Variants in PCDHGA1 observed in about 807,000 individuals in gnomAD.
PCDHGA1 encodes the protein protocadherin gamma subfamily A, 1.
A neutral mutation model predicts 58.0 loss-of-function variants in PCDHGA1; 32 were observed. The ratio of observed to expected loss-of-function variants is 0.55; its 90% CI spans 0.42 to 0.74. PCDHGA1 has a LOEUF of 0.74. Ranked by LOEUF, PCDHGA1 falls within the 30% of genes least tolerant of loss-of-function variation. The pLI is 0.00. For missense variants in PCDHGA1, 1,205 were observed against 1,182.3 expected, an observed-to-expected ratio of 1.02 and a Z score of -0.28; for synonymous variants, 498 against 501.1, an observed-to-expected ratio of 0.99 and a Z score of 0.08.
Position 141,491,995 on chromosome 5 carries a change from G to C in PCDHGA1, c.2422-2812G>C, listed in dbSNP as rs76332593. On this transcript the variant is annotated intron_variant, in intron 1 of 3. Transcript: ENST00000517417. The surrounding 1 kb of genome is among the most constrained non-coding windows in gnomAD (Gnocchi z 6.9). ...CTCCTTCGAGCTTCCGGTGAATTTC[G>C]GGCGATTTCCGCGGGTGTCGGGGGT... is the stretch of plus-strand genomic sequence containing the variant. 0.033 allele frequency: 22,941 copies of C among 696,644 alleles called. 426 individuals carry two copies. The highest frequency in any genetic ancestry group is 0.093 in the Middle Eastern group (249 of 2,666). The allele number at this position is 696,644 out of a possible 1,614,324, so 43.2% of individuals were successfully genotyped here. A position where few individuals can be genotyped will look rare whatever the true frequency, so the allele number is the denominator to read the frequency against.
chr5:141,362,148 A>G, intron 1 of PCDHGA1: 2 of 1,613,980 alleles, frequency 1.2e-6, no homozygotes, highest in Non-Finnish European at 1.7e-6. Flanking sequence ...TGCAAGAGGT[A>G]TTGCCAGACC....
chr5:141,374,243 C>A, intron 1 of PCDHGA1: 1 of 1,614,000 alleles, frequency 6.2e-7, no homozygotes, highest in Non-Finnish European at 8.5e-7. Flanking sequence ...GGATCTGGGA[C>A]TGGAGCCCCA....
At chr5:141,417,340 C>T (rs981474163) in intron 1 of PCDHGA1, 2 of 152,874 alleles carry the variant, frequency 1.3e-5, no homozygotes, top group African/African-American at 4.8e-5. Context: ...GATAGGAGAC[C>T]TATAAACCTT....
rs145025535 is a variant in PCDHGA1 at position 141,457,569 on chromosome 5, T to A, written c.2422-37238T>A. 2.5e-3 allele frequency among the ~76,000 whole-genome samples: 376 copies of A among 152,304 alleles called. 1 individual carries two copies. Among genetic ancestry groups the A allele is most frequent in the African/African-American group, 8.6e-3 (357 of 41,554 alleles). On this transcript the variant is annotated intron_variant, in intron 1 of 3. Transcript: ENST00000517417. Reference sequence around the variant, plus strand: ...TGTATGATAAGCTTTGGAGCAAAATTTTTCTCTCCAGTCCTCATTTTTGGT... The same window carrying A: ...TGTATGATAAGCTTTGGAGCAAAATATTTCTCTCCAGTCCTCATTTTTGGT...
In PCDHGA1 at chr5:141,490,745, C is replaced by T. The variant is rs769031787; in HGVS notation, c.2422-4062C>T. 22 of 1,614,120 alleles carry T rather than the reference C, an allele frequency of 1.4e-5. No individual in the cohort carries two copies. Among genetic ancestry groups the T allele is most frequent in the Non-Finnish European group, 1.9e-5 (22 of 1,180,050 alleles). On this transcript the variant is annotated intron_variant, in intron 1 of 3. Transcript: ENST00000517417. The surrounding 1 kb of genome is among the most constrained non-coding windows in gnomAD (Gnocchi z 5.4). Reference sequence around the variant, plus strand: ...GTAGGAAATCAGGTTCAGGGAGCCCCAGCCTCCTCCTTTGTGTATGTCAAC... The same window carrying T: ...GTAGGAAATCAGGTTCAGGGAGCCCTAGCCTCCTCCTTTGTGTATGTCAAC...
In PCDHGA1 at chr5:141,486,157, A is replaced by C. The variant is rs1562110580; in HGVS notation, c.2422-8650A>C. On this transcript the variant is annotated intron_variant, in intron 1 of 3. Transcript: ENST00000517417. This position sits in a 1 kb window ranked among gnomAD's most constrained non-coding sequence, Gnocchi z 5.0. ...TGCGGGCTCGCGATGGGGGTTCTCC[A>C]GCCATGGAGCAACATTGCAGCCTTC... 10 of 1,614,208 alleles carry C rather than the reference A, an allele frequency of 6.2e-6. No individual in the cohort carries two copies. The highest frequency in any genetic ancestry group is 8.5e-6 in the Non-Finnish European group (10 of 1,180,028).
chr5:141,468,315 C>T (rs1197043569), intron 1 of PCDHGA1: 4 of 120,552 alleles, frequency 3.3e-5, no homozygotes, highest in Non-Finnish European at 5.0e-5. Context: ...ACAAGAGCAA[C>T]GGTAAACTCC....
rs140779776 is a variant in PCDHGA1 at position 141,412,904 on chromosome 5, C to T, written c.2421+79799C>T. On this transcript the variant is annotated intron_variant, in intron 1 of 3. Transcript: ENST00000517417. ...CAACAGAATAGTTTACTTTCCATTG[C>T]ATGTATCACTTGGGTGCAGTAACTT... The T allele has an allele frequency of 4.0e-4, 150 of 378,712 alleles. 3 individuals carry two copies. In the East Asian group the frequency reaches 6.1e-3, roughly 15 times the overall value. 23.5% of individuals were successfully genotyped at this position (378,712 alleles called of 1,614,324 possible).
rs1206206519 is a variant in PCDHGA1 at position 141,432,127 on chromosome 5, C to G, written c.2422-62680C>G. ...ACCCGCCGGTCTTCCCTCAGGCCTC[C>G]TATTCCGCTTATATCCCAGAGAACA... On this transcript the variant is annotated intron_variant, in intron 1 of 3. Coordinates refer to ENST00000517417, the MANE Select transcript of PCDHGA1 (RefSeq NM_018912.3). The surrounding 1 kb of genome is among the most constrained non-coding windows in gnomAD (Gnocchi z 6.0). The G allele has an allele frequency of 6.8e-6, 11 of 1,614,160 alleles. No homozygotes were observed. The highest frequency in any genetic ancestry group is 8.5e-6 in the Non-Finnish European group (10 of 1,180,032).
chr5:141,339,026 CT>C, intron 1 of PCDHGA1: 1 of 1,593,596 alleles, frequency 6.3e-7, no homozygotes, highest in South Asian at 1.1e-5. Context: ...GCTGTGCTTC[CT>C]TTTGGCGACC....
chr5:141,394,501 T>C (rs768158418), intron 1 of PCDHGA1: 1 of 1,614,216 alleles, frequency 6.2e-7, no homozygotes, highest in Admixed American at 1.7e-5. Context: ...CCCGAGATCC[T>C]GTACCCCGCC....
intron 1 of PCDHGA1, chr5:141,372,520 T>G (rs371229591): frequency 3.7e-6 from 6 of 1,613,950 alleles, no homozygotes; most frequent in Non-Finnish European, 5.1e-6. Flanking sequence ...GCGGTGATTC[T>G]GGCAATCTCC....
intron 1 of PCDHGA1, chr5:141,361,265 G>C (rs1245331652): frequency 6.2e-7 from 1 of 1,613,872 alleles, no homozygotes; most frequent in Non-Finnish European, 8.5e-7. Flanking sequence ...AGAGACTCTG[G>C]AGAAAATGGA....
chr5:141,338,924 G>C (rs756074981), intron 1 of PCDHGA1: 1 of 1,517,210 alleles, frequency 6.6e-7, no homozygotes, highest in Non-Finnish European at 8.8e-7. Flanking sequence ...ATTGGAATCC[G>C]CACTGGATGC....
intron 2 of PCDHGA1, among the ~76,000 whole-genome samples, chr5:141,504,253 G>A (rs1036263329): frequency 6.6e-6 from 1 of 152,100 alleles, no homozygotes; most frequent in Non-Finnish European, 1.5e-5. Context: ...TTCTTCTTAT[G>A]GTTTAGTATT....
chr5:141,487,884 A>G lies in PCDHGA1; in HGVS notation c.2422-6923A>G. 1.3e-6 allele frequency: 1 copy of G among 766,716 alleles called. No homozygotes were observed. Among genetic ancestry groups the G allele is most frequent in the Non-Finnish European group, 2.1e-6 (1 of 481,170 alleles). 47.5% of individuals were successfully genotyped at this position (766,716 alleles called of 1,614,324 possible). On this transcript the variant is annotated intron_variant, in intron 1 of 3. Transcript: ENST00000517417. The surrounding 1 kb of genome is among the most constrained non-coding windows in gnomAD (Gnocchi z 5.0). ...GTGATCAAGAGCCAGGCTGTTGTGG[A>G]AGCATGATGATGGAATGTGGGAGCA...
At chr5:141,453,042 A>G (rs2098754438) in intron 1 of PCDHGA1, among the ~76,000 whole-genome samples, 1 of 152,116 alleles carries the variant, frequency 6.6e-6, no homozygotes, top group Non-Finnish European at 1.5e-5. Context: ...GTTTGTTTCT[A>G]TTATGTGCAG....
intron 1 of PCDHGA1, among the ~76,000 whole-genome samples, chr5:141,464,370 T>C (rs1239284694): frequency 6.6e-6 from 1 of 151,828 alleles, no homozygotes. Context: ...CCAATATTTT[T>C]GCAATATAAA....
At chr5:141,365,492 A>G in intron 1 of PCDHGA1, 1 of 1,613,970 alleles carries the variant, frequency 6.2e-7, no homozygotes, top group Non-Finnish European at 8.5e-7. Flanking sequence ...CTCTATTCCT[A>G]GGAATTTGCC....
Sources: gnomAD v4.1 joint callset for allele counts (sites outside exome capture counted in the v4.1 genomes callset) on GRCh38, gnomAD v4.1.1 for gene constraint, Gnocchi (gnomAD v3.1) non-coding constraint, MANE v1.5 for transcripts, NCBI Gene and HGNC (gene_info 2026-07-23, HGNC 2026-07-21) for gene names.